ISX: variants seen among roughly 807,000 people sequenced by gnomAD.
ISX encodes the protein intestine specific homeobox, also known as intestine-specific homeobox.
ISX carries 15 observed loss-of-function variants against 16.9 expected under a neutral mutation model. The ratio of observed to expected loss-of-function variants is 0.89; its 90% CI spans 0.59 to 1.36. ISX has a LOEUF of 1.36. ISX is among the 40% of genes most tolerant of loss of function. The probability of loss-of-function intolerance (pLI) is 0.00; values close to 1 mark genes in which losing one functional copy is unlikely to be tolerated. For missense variants in ISX, 316 were observed against 306.1 expected (o/e 1.03, Z -0.24); for synonymous variants, 125 against 119.7 (o/e 1.04, Z -0.29).
At chr22:35,074,293 A>G (rs1928926300) in intron 2 of ISX, among the ~76,000 whole-genome samples, 1 of 152,170 alleles carries the variant, frequency 6.6e-6, no homozygotes. Flanking sequence ...AAACCAGTCA[A>G]CTGAGACCAG....
chr22:35,070,533 A>T (rs568650814), intron 2 of ISX, among the ~76,000 whole-genome samples: 1 of 152,236 alleles, frequency 6.6e-6, no homozygotes. Context: ...AGACCACCCC[A>T]GTGGGTAAAC....
chr22:35,081,606 T>C (rs906958222), intron 2 of ISX, among the ~76,000 whole-genome samples: 2 of 152,128 alleles, frequency 1.3e-5, no homozygotes, highest in African/African-American at 4.8e-5. Context: ...CCCTCCATCT[T>C]GGTGGGGAAG....
chr22:35,071,661 T>C (rs554116937), intron 2 of ISX, among the ~76,000 whole-genome samples: 1 of 152,264 alleles, frequency 6.6e-6, no homozygotes, highest in African/African-American at 2.4e-5. Context: ...TGGAGCAAAA[T>C]TCCTGGCAAA....
intron 2 of ISX, among the ~76,000 whole-genome samples, chr22:35,081,607 G>A (rs1018314642): frequency 2.0e-5 from 3 of 152,116 alleles, no homozygotes; most frequent in Admixed American, 1.3e-4. Flanking sequence ...CCTCCATCTT[G>A]GTGGGGAAGG....
intron 2 of ISX, among the ~76,000 whole-genome samples, chr22:35,074,400 G>C (rs1928929823): frequency 2.0e-5 from 3 of 152,158 alleles, no homozygotes; most frequent in African/African-American, 7.2e-5. Context: ...TGGGATGATG[G>C]TTCCTTATTT....
At position 35,085,633 on chromosome 22, in the gene ISX, G is replaced by T. The variant is rs1052191817; in HGVS notation, c.678G>T (p.Val226=). 1.2e-6 allele frequency: 2 copies of T among 1,614,206 alleles called. No homozygotes were observed. Among genetic ancestry groups the T allele is most frequent in the Non-Finnish European group, 1.7e-6 (2 of 1,180,046 alleles). ...CCATCCATCAAACTTGCATCCCTGT[G>T]CTATGCATCCTTCCACCTCCACACC... The part of the protein sequence containing the change: ...GLPIHQTCIP[V]LCILPPPHPK... Residue 226 remains valine, a synonymous_variant, in exon 5 of 5, where the codon GTG becomes GTT. Transcript: ENST00000404699.
chr22:35,080,818 G>C (rs144034042), intron 2 of ISX, among the ~76,000 whole-genome samples: 2 of 152,354 alleles, frequency 1.3e-5, no homozygotes, highest in East Asian at 3.9e-4. Context: ...GGGCAGGGCA[G>C]TTCCCAGGAA....
chr22:35,067,892 T>C (rs1928745088), intron 2 of ISX, among the ~76,000 whole-genome samples: 2 of 152,260 alleles, frequency 1.3e-5, no homozygotes, highest in African/African-American at 4.8e-5. Flanking sequence ...TCCACCCTGA[T>C]CACCTTCCCC....
chr22:35,085,454 G>A lies in ISX; in HGVS notation c.499G>A (p.Gly167Arg). The change falls in exon 5 of 5, where the codon GGG (glycine) becomes AGG (arginine). Residue 167 changes from glycine to arginine, a missense_variant and splice_region_variant. Physicochemically the swap from Gly to Arg is moderately radical, Grantham distance 125. Transcript: ENST00000404699. ...VALPTNLDVAGPTWTSTALRR... is the reference protein window; with the variant it reads ...VALPTNLDVARPTWTSTALRR... ...CTCTCCTGACCTCTCCTTGTGACAG[G>A]GGCCCACGTGGACATCCACTGCTCT... 1 of 1,614,144 alleles carries A rather than the reference G, an allele frequency of 6.2e-7. No individual in the cohort carries two copies. The highest frequency in any genetic ancestry group is 8.5e-7 in the Non-Finnish European group (1 of 1,180,034).
intron 2 of ISX, among the ~76,000 whole-genome samples, chr22:35,075,979 C>T (rs4485651): frequency 0.42 from 63,697 of 151,932 alleles, 14,222 homozygotes; most frequent in Non-Finnish European, 0.51. Context: ...TACCATCTCA[C>T]CATCCAGTAA....
intron 2 of ISX, among the ~76,000 whole-genome samples, chr22:35,075,532 G>T (rs891459882): frequency 1.3e-5 from 2 of 152,154 alleles, no homozygotes; most frequent in African/African-American, 4.8e-5. Flanking sequence ...ACTGCTGTTT[G>T]TTTTGTAGGG....
At chr22:35,085,317 C>G in intron 4 of ISX, 137 bp from the exon 5 acceptor site, 1 of 1,072,900 alleles carries the variant, frequency 9.3e-7, no homozygotes, top group Non-Finnish European at 1.4e-6. Context: ...AGAGCTAAAC[C>G]CAGAAGGTCC....
intron 2 of ISX, among the ~76,000 whole-genome samples, chr22:35,076,106 A>C (rs949425042): frequency 1.1e-4 from 16 of 152,174 alleles, no homozygotes; most frequent in Non-Finnish European, 1.6e-4. Context: ...AATTAAAAAA[A>C]AAAAAATACC....
intron 3 of ISX, among the ~76,000 whole-genome samples, chr22:35,083,359 AG>A (rs1235664846): frequency 6.6e-6 from 1 of 152,202 alleles, no homozygotes; most frequent in Non-Finnish European, 1.5e-5. Context: ...GAAGTGGAAA[AG>A]GTCTTGAATT....
Position 35,066,767 on chromosome 22 carries a change from C to A in ISX, c.-321C>A, listed in dbSNP as rs954485033. On this transcript the variant is annotated 5_prime_UTR_variant, in exon 2 of 5. In the 5' UTR this introduces an upstream ATG that the reference lacks. Coordinates refer to ENST00000404699, the MANE Select transcript of ISX (RefSeq NM_001303508.2). ...GTGACCTCAGGGATCCTGGCCTAAC[C>A]TGGTGATTGTGCAGGCAACTGTGTC... 9.9e-6 allele frequency: 3 copies of A among 302,126 alleles called. No homozygotes were observed. The highest frequency in any genetic ancestry group is 1.8e-5 in the Non-Finnish European group (3 of 163,002). The allele number at this position is 302,126 out of a possible 1,614,324, so 18.7% of individuals were successfully genotyped here.
chr22:35,083,440 A>C (rs556273854), intron 3 of ISX, among the ~76,000 whole-genome samples: 3 of 152,324 alleles, frequency 2.0e-5, no homozygotes, highest in Admixed American at 2.0e-4. Context: ...TCTTCACCGC[A>C]GTTTATTGCT....
At position 35,086,815 on chromosome 22, in the gene ISX, C is replaced by T. The variant is rs776218187; in HGVS notation, c.*1122C>T. ...GTTCTCAGGGAGGTCATCCGCTGAG[C>T]ATCCCTTCTGCACAGATGTCTCTGA... On this transcript the variant is annotated 3_prime_UTR_variant, in exon 5 of 5. Transcript: ENST00000404699. 13 of 152,254 alleles carry T rather than the reference C, an allele frequency of 8.5e-5. No individual in the cohort carries two copies. Among genetic ancestry groups the T allele is most frequent in the Non-Finnish European group, 1.6e-4 (11 of 68,052 alleles). The allele number at this position is 152,254 out of a possible 1,614,324, so 9.4% of individuals were successfully genotyped here. A position where few individuals can be genotyped will look rare whatever the true frequency, so the allele number is the denominator to read the frequency against.
chr22:35,075,712 G>GA, intron 2 of ISX, among the ~76,000 whole-genome samples: 1 of 152,276 alleles, frequency 6.6e-6, no homozygotes, highest in South Asian at 2.1e-4. Context: ...AAAATATTAT[G>GA]AAAGTGAGAC....
intron 2 of ISX, among the ~76,000 whole-genome samples, chr22:35,075,385 G>T (rs1928955338): frequency 6.6e-6 from 1 of 152,156 alleles, no homozygotes; most frequent in South Asian, 2.1e-4. Flanking sequence ...CTTTATATAT[G>T]CACATCAGCA....
Sources: allele counts gnomAD v4.1 joint callset (sites outside exome capture counted in the v4.1 genomes callset), GRCh38; gene constraint gnomAD v4.1.1; transcripts MANE v1.5; gene names NCBI Gene and HGNC (gene_info 2026-07-23, HGNC 2026-07-21).